Variants in LVRN observed in about 807,000 individuals in gnomAD.
LVRN encodes the protein aminopeptidase Q.
LVRN carries 99 observed loss-of-function variants against 111.4 expected under a neutral mutation model. The observed-to-expected ratio is 0.89, with a 90% CI of 0.76 to 1.05. The LOEUF (loss-of-function observed/expected upper bound fraction) is 1.05. Ranked by LOEUF, LVRN falls within the 50% of genes least tolerant of loss-of-function variation. The pLI is 0.00. For synonymous variants in LVRN, 488 were observed against 449.5 expected, an observed-to-expected ratio of 1.09 and a Z score of -1.08; for missense variants, 1,414 against 1,206.8, an observed-to-expected ratio of 1.17 and a Z score of -2.54.
Position 115,962,489 on chromosome 5 carries a change from C to T in LVRN, c.-129C>T, listed in dbSNP as rs1428306496. ...TGCTGAGCTCCAGTCCGTCCAGGCT[C>T]TTCCAGGAGGAAGAGGCACGATACA... On this transcript the variant is annotated 5_prime_UTR_variant, in exon 1 of 20. Coordinates refer to ENST00000357872, the MANE Select transcript of LVRN (RefSeq NM_173800.5). 2 of 848,092 alleles carry T rather than the reference C, an allele frequency of 2.4e-6. No homozygotes were observed. The highest frequency in any genetic ancestry group is 1.9e-6 in the Non-Finnish European group (1 of 536,844). The allele number at this position is 848,092 out of a possible 1,614,324, so 52.5% of individuals were successfully genotyped here. A position where few individuals can be genotyped will look rare whatever the true frequency, so the allele number is the denominator to read the frequency against.
intron 11 of LVRN, 32 bp downstream of exon 11, chr5:116,002,943 T>C (rs565145304): frequency 6.8e-6 from 10 of 1,469,814 alleles, no homozygotes; most frequent in Non-Finnish European, 9.4e-6. Context: ...CATCTTTATA[T>C]ATATGCATAT....
intron 19 of LVRN, among the ~76,000 whole-genome samples, chr5:116,023,167 G>A (rs973229207): frequency 6.6e-6 from 1 of 151,990 alleles, no homozygotes; most frequent in Non-Finnish European, 1.5e-5. Flanking sequence ...ATGCTTTCAG[G>A]TCATCCTGTG....
At chr5:115,965,511 G>C (rs1254640968) in intron 1 of LVRN, among the ~76,000 whole-genome samples, 1 of 152,174 alleles carries the variant, frequency 6.6e-6, no homozygotes. Context: ...GTTTAGAATG[G>C]AGTTTAGAAA....
intron 18 of LVRN, among the ~76,000 whole-genome samples, chr5:116,018,237 C>T (rs1321474155): frequency 6.6e-6 from 1 of 152,190 alleles, no homozygotes; most frequent in African/African-American, 2.4e-5. Context: ...AACAAAAGAA[C>T]TTGAATTAAA....
intron 1 of LVRN, among the ~76,000 whole-genome samples, chr5:115,979,956 G>A (rs1753527449): frequency 6.6e-6 from 1 of 152,086 alleles, no homozygotes; most frequent in African/African-American, 2.4e-5. Context: ...TTCTCCAAGG[G>A]TGTCATGTGG....
chr5:115,987,675 C>A, intron 3 of LVRN, 138 bp from the exon 4 acceptor site: 2 of 984,094 alleles, frequency 2.0e-6, no homozygotes, highest in Non-Finnish European at 2.9e-6. Flanking sequence ...GACATGTAAG[C>A]ATGCAAGCAT....
chr5:115,982,421 G>T (rs1028777026), intron 1 of LVRN, among the ~76,000 whole-genome samples: 10 of 152,266 alleles, frequency 6.6e-5, no homozygotes, highest in Admixed American at 3.3e-4. Flanking sequence ...CAGGATCTTG[G>T]TTGAAAAAGG....
chr5:115,991,458 T>C (rs2112583175), intron 4 of LVRN, among the ~76,000 whole-genome samples: 1 of 152,372 alleles, frequency 6.6e-6, no homozygotes, highest in South Asian at 2.1e-4. Context: ...TAAGGGCATC[T>C]TGGTTGCTTC....
At position 116,002,927 on chromosome 5, in the gene LVRN, T is replaced by A. The variant is rs1748267335; in HGVS notation, c.1897+16T>A. 2 of 1,552,184 alleles carry A rather than the reference T, an allele frequency of 1.3e-6. No homozygotes were observed. Among genetic ancestry groups the A allele is most frequent in the Non-Finnish European group, 8.8e-7 (1 of 1,130,594 alleles). ...CAAAGCAGCAGTAAGTAACAAATTT[T>A]AAAAACATCTTTATATATATGCATA... is the stretch of plus-strand genomic sequence containing the variant. On this transcript the variant is annotated intron_variant, in intron 11 of 19. Coordinates refer to ENST00000357872, the MANE Select transcript of LVRN (RefSeq NM_173800.5).
At chr5:116,022,724 C>A (rs1324092677) in intron 19 of LVRN, among the ~76,000 whole-genome samples, 2 of 152,218 alleles carry the variant, frequency 1.3e-5, no homozygotes, top group African/African-American at 2.4e-5. Flanking sequence ...CCGTCCCAGA[C>A]CGGGCTTCCC....
At chr5:116,020,529 T>C (rs1305336547) in intron 18 of LVRN, among the ~76,000 whole-genome samples, 2 of 152,270 alleles carry the variant, frequency 1.3e-5, no homozygotes, top group African/African-American at 2.4e-5. Flanking sequence ...TTTCTCCACA[T>C]GTTATTATAT....
intron 1 of LVRN, among the ~76,000 whole-genome samples, chr5:115,978,453 A>T (rs1753492836): frequency 6.6e-6 from 1 of 152,170 alleles, no homozygotes; most frequent in Non-Finnish European, 1.5e-5. Flanking sequence ...TACAGTGGGA[A>T]ATTTAGTCTG....
intron 1 of LVRN, among the ~76,000 whole-genome samples, chr5:115,967,354 G>A (rs937687635): frequency 3.3e-5 from 5 of 152,128 alleles, no homozygotes; most frequent in Non-Finnish European, 5.9e-5. Flanking sequence ...TTTTGCCTAT[G>A]GATATCCATT....
At chr5:116,012,171 A>T (rs924632325) in intron 14 of LVRN, among the ~76,000 whole-genome samples, 1 of 152,176 alleles carries the variant, frequency 6.6e-6, no homozygotes, top group Non-Finnish European at 1.5e-5. Context: ...ATTATGGTAA[A>T]CCACATTTTA....
At chr5:115,979,083 C>G (rs573890811) in intron 1 of LVRN, among the ~76,000 whole-genome samples, 43 of 152,238 alleles carry the variant, frequency 2.8e-4, no homozygotes, top group African/African-American at 1.0e-3. Context: ...CCAGGTGGCT[C>G]TACTGGACTA....
intron 18 of LVRN, chr5:116,021,169 A>T (rs1047278379): frequency 5.9e-5 from 9 of 152,218 alleles, no homozygotes; most frequent in Non-Finnish European, 1.2e-4. Flanking sequence ...AGTATCTGTT[A>T]TTCTCCATTT....
rs192376167 is a variant in LVRN, at chr5:116,018,760, A to C, written c.2756+2995A>C. Among the ~76,000 whole-genome samples, 559 of 152,336 alleles carry C rather than the reference A, an allele frequency of 3.7e-3. 11 individuals carry two copies. The highest frequency in any genetic ancestry group is 5.1e-3 in the Non-Finnish European group (345 of 68,030). On this transcript the variant is annotated intron_variant, in intron 18 of 19. Transcript: ENST00000357872. ...ATATTTTAAATTTGTTTTACTTAGA[A>C]AGCTCATCTTATGACGTGATTTATT...
chr5:115,986,900 C>G (rs1414785958), intron 3 of LVRN, among the ~76,000 whole-genome samples: 1 of 152,136 alleles, frequency 6.6e-6, no homozygotes, highest in African/African-American at 2.4e-5. Context: ...GCAGAGCGTT[C>G]TTTCTTAAAT....
chr5:115,992,025 AT>A lies in LVRN; in HGVS notation c.1106-92del, dbSNP rs374660320. ...GTTCAGGTTATAAATATTCCCTTGA[AT>A]TTTTTGGTAATTTTATGATTTCATT... On this transcript the variant is annotated intron_variant, in intron 4 of 19. Coordinates refer to ENST00000357872, the MANE Select transcript of LVRN (RefSeq NM_173800.5). The A allele has an allele frequency of 2.5e-6, 3 of 1,191,322 alleles. No homozygotes were observed. The East Asian group carries it at 7.4e-5, about 29-fold the overall frequency. 73.8% of individuals were successfully genotyped at this position (1,191,322 alleles called of 1,614,324 possible). A position where few individuals can be genotyped will look rare whatever the true frequency, so the allele number is the denominator to read the frequency against.
Sources: gnomAD v4.1 joint callset for allele counts (sites outside exome capture counted in the v4.1 genomes callset) on GRCh38, gnomAD v4.1.1 for gene constraint, MANE v1.5 for transcripts, NCBI Gene and HGNC (gene_info 2026-07-23, HGNC 2026-07-21) for gene names.